The following LRP1B variants were observed in gnomAD, a reference collection of about 807,000 sequenced individuals.
The protein encoded by LRP1B is low-density lipoprotein receptor-related protein 1B.
In LRP1B, 217 loss-of-function variants were observed where a neutral mutation model predicts 556.6. The ratio of observed to expected loss-of-function variants is 0.39; its 90% CI spans 0.35 to 0.44. The LOEUF (loss-of-function observed/expected upper bound fraction) is 0.44, where lower values mean the gene tolerates loss of function less well. LRP1B is among the 20% of genes least tolerant of loss of function. The probability of loss-of-function intolerance (pLI) is 1.00; values close to 1 mark genes in which losing one functional copy is unlikely to be tolerated. For missense variants in LRP1B, 5,053 were observed against 5,620.8 expected, an observed-to-expected ratio of 0.90 and a Z score of 3.23; for synonymous variants, 2,047 against 1,865.8, an observed-to-expected ratio of 1.10 and a Z score of -2.50.
intron 1 of LRP1B, among the ~76,000 whole-genome samples, chr2:142,114,383 T>C (rs899301592): frequency 6.6e-6 from 1 of 152,082 alleles, no homozygotes; most frequent in Admixed American, 6.6e-5. Flanking sequence ...AATTAAAGTA[T>C]TGAACAGTTC....
At chr2:141,116,245 C>T (rs146891943) in intron 7 of LRP1B, among the ~76,000 whole-genome samples, 59 of 152,022 alleles carry the variant, frequency 3.9e-4, no homozygotes, top group African/African-American at 1.3e-3. Flanking sequence ...TGAGAGGAAA[C>T]GTTTTCATTT....
chr2:141,907,274 G>C (rs1370115994), intron 1 of LRP1B, among the ~76,000 whole-genome samples: 2 of 151,666 alleles, frequency 1.3e-5, no homozygotes, highest in Non-Finnish European at 2.9e-5. Context: ...AAATTTCATA[G>C]AGAACTCAAT....
intron 3 of LRP1B, among the ~76,000 whole-genome samples, chr2:141,309,712 C>T (rs574818828): frequency 3.3e-5 from 5 of 151,838 alleles, no homozygotes; most frequent in South Asian, 2.1e-4. Flanking sequence ...AGGGCCAGTT[C>T]GGGGGTAGAG....
chr2:140,543,732 CTG>C (rs1438756103), intron 43 of LRP1B, among the ~76,000 whole-genome samples: 1 of 151,818 alleles, frequency 6.6e-6, no homozygotes. Flanking sequence ...AGAAGTCAAA[CTG>C]TATTTATTTG....
At chr2:141,350,718 A>C (rs1046864499) in intron 3 of LRP1B, among the ~76,000 whole-genome samples, 4 of 152,080 alleles carry the variant, frequency 2.6e-5, no homozygotes, top group Non-Finnish European at 5.9e-5. Context: ...AAATCTTTTT[A>C]TAACATAAAG....
Position 142,063,585 on chromosome 2 carries a change from AAT to A in LRP1B, c.82+67061_82+67062del, listed in dbSNP as rs959532387. On this transcript the variant is annotated intron_variant, in intron 1 of 90. Coordinates refer to ENST00000389484, the MANE Select transcript of LRP1B (RefSeq NM_018557.3). ...ATAACAGATCTTTTCTAATTCCACAAATTATTATGAACTAAAATAAAATAAAG... is the reference window on the plus strand; with the variant it reads ...ATAACAGATCTTTTCTAATTCCACAATATTATGAACTAAAATAAAATAAAG... Among the ~76,000 whole-genome samples the A allele has an allele frequency of 3.8e-4, 58 of 151,776 alleles. 1 individual carries two copies. The highest frequency in any genetic ancestry group is 1.3e-3 in the African/African-American group (56 of 41,492).
chr2:140,309,749 A>C (rs1424911707), intron 83 of LRP1B, among the ~76,000 whole-genome samples: 1 of 151,856 alleles, frequency 6.6e-6, no homozygotes, highest in Non-Finnish European at 1.5e-5. Flanking sequence ...TATCTGGAAA[A>C]TACAAAAGTA....
At chr2:140,846,610 A>G (rs759477403) in intron 29 of LRP1B, among the ~76,000 whole-genome samples, 1 of 152,032 alleles carries the variant, frequency 6.6e-6, no homozygotes, top group Non-Finnish European at 1.5e-5. Flanking sequence ...ATAATGGGAG[A>G]TGATAGGCAC....
At chr2:140,434,195 G>A (rs529162282) in intron 66 of LRP1B, among the ~76,000 whole-genome samples, 35 of 151,894 alleles carry the variant, frequency 2.3e-4, no homozygotes, top group African/African-American at 6.8e-4. Flanking sequence ...TCAGCCTCCC[G>A]AGTAGCTGGG....
intron 2 of LRP1B, among the ~76,000 whole-genome samples, chr2:141,763,702 T>G (rs1342325056): frequency 6.6e-6 from 1 of 152,124 alleles, no homozygotes; most frequent in African/African-American, 2.4e-5. Flanking sequence ...AGAATATATC[T>G]TAAAGAAATA....
At chr2:141,205,115 A>G (rs1682215212) in intron 6 of LRP1B, among the ~76,000 whole-genome samples, 1 of 152,164 alleles carries the variant, frequency 6.6e-6, no homozygotes, top group African/African-American at 2.4e-5. Flanking sequence ...AAATATCAAT[A>G]TTATTAAAGT....
intron 72 of LRP1B, among the ~76,000 whole-genome samples, chr2:140,360,946 T>A (rs1682474750): frequency 6.6e-6 from 1 of 151,364 alleles, no homozygotes; most frequent in Admixed American, 6.6e-5. Flanking sequence ...TTGAGCACAA[T>A]CTCTTTAATG....
At chr2:140,703,520 C>A (rs1485441340) in intron 37 of LRP1B, among the ~76,000 whole-genome samples, 1 of 152,138 alleles carries the variant, frequency 6.6e-6, no homozygotes. Context: ...TATCAGACAT[C>A]AGCAGTGAAT....
chr2:141,546,938 A>G (rs1685577120), intron 2 of LRP1B, among the ~76,000 whole-genome samples: 1 of 152,152 alleles, frequency 6.6e-6, no homozygotes, highest in Admixed American at 6.5e-5. Flanking sequence ...ATTGGGTTGT[A>G]GATCCTGCTT....
At chr2:141,338,528 A>C (rs563303671) in intron 3 of LRP1B, among the ~76,000 whole-genome samples, 1 of 152,166 alleles carries the variant, frequency 6.6e-6, no homozygotes, top group Admixed American at 6.5e-5. Context: ...ACTTGAATAC[A>C]TCTACTCCTA....
chr2:141,026,318 G>C (rs1166919649), intron 11 of LRP1B, among the ~76,000 whole-genome samples: 1 of 151,878 alleles, frequency 6.6e-6, no homozygotes, highest in Non-Finnish European at 1.5e-5. Context: ...TTTCTAATAG[G>C]TTTCATGTTT....
chr2:141,879,373 A>G (rs1375092465), intron 1 of LRP1B, among the ~76,000 whole-genome samples: 1 of 152,028 alleles, frequency 6.6e-6, no homozygotes, highest in Non-Finnish European at 1.5e-5. Flanking sequence ...TATTTATAAA[A>G]CAAATGCACT....
intron 1 of LRP1B, among the ~76,000 whole-genome samples, chr2:142,092,891 C>T (rs1706223919): frequency 6.6e-6 from 1 of 151,862 alleles, no homozygotes; most frequent in Non-Finnish European, 1.5e-5. Flanking sequence ...ATAAGTTTTC[C>T]ACGTTTTTCT....
chr2:140,729,017 A>C (rs189857618), intron 35 of LRP1B, among the ~76,000 whole-genome samples: 98 of 152,138 alleles, frequency 6.4e-4, no homozygotes, highest in African/African-American at 2.2e-3. Flanking sequence ...TAATAAATTT[A>C]GTCATTTCAT....
Sources: gnomAD v4.1 joint callset for allele counts (sites outside exome capture counted in the v4.1 genomes callset) on GRCh38, gnomAD v4.1.1 for gene constraint, MANE v1.5 for transcripts, NCBI Gene and HGNC (gene_info 2026-07-23, HGNC 2026-07-21) for gene names.